The following FAM107A variants were observed in gnomAD, a reference collection of about 807,000 sequenced individuals.
The protein encoded by FAM107A is actin-associated protein FAM107A.
A neutral mutation model predicts 13.7 loss-of-function variants in FAM107A; 19 were observed. The ratio of observed to expected loss-of-function variants is 1.38; its 90% CI spans 0.97 to 2.03. The LOEUF is 2.03. FAM107A is among the 30% of genes most tolerant of loss of function. The pLI is 0.00. For missense variants in FAM107A, 203 were observed against 184.4 expected (o/e 1.10, Z -0.58); for synonymous variants, 82 against 74.5 (o/e 1.10, Z -0.52).
chr3:58,616,899 G>C (rs910137913), intron 1 of FAM107A, among the ~76,000 whole-genome samples: 1 of 151,916 alleles, frequency 6.6e-6, no homozygotes, highest in Admixed American at 6.6e-5. Context: ...TCAGCCTCCC[G>C]AATAGCTGGG....
At chr3:58,587,474 AGTGTGTGTGTGTGTGT>A (rs376881213), upstream of FAM107A, among the ~76,000 whole-genome samples, 4,521 of 145,470 alleles carry the variant, frequency 0.031, 203 homozygotes, top group African/African-American at 0.099. Context: ...ATCAGCTTAG[AGTGTGTGTGTGTGTGT>A]GTGTGTGTGT....
At chr3:58,586,757 C>T in intron 1 of FAM107A, 1 of 1,227,780 alleles carries the variant, frequency 8.1e-7, no homozygotes, top group African/African-American at 1.6e-5. Context: ...AGCAACGAAG[C>T]AGAGGCGCCC....
At chr3:58,570,399 A>C in intron 1 of FAM107A, 1 of 984,848 alleles carries the variant, frequency 1.0e-6, no homozygotes, top group Non-Finnish European at 1.2e-6. Context: ...AGAGGAGAGC[A>C]TGAAATTCAG....
intron 1 of FAM107A, among the ~76,000 whole-genome samples, chr3:58,614,549 G>A (rs552513376): frequency 3.9e-4 from 58 of 148,542 alleles, no homozygotes; most frequent in Admixed American, 1.1e-3. Context: ...TTCTCGCTCA[G>A]GCTAGAGTGT....
At position 58,613,161 on chromosome 3, in the gene FAM107A, A is replaced by T. The variant is rs2065870474; in HGVS notation, c.-70+14255T>A. Among the ~76,000 whole-genome samples, 1 of 152,222 alleles carries T rather than the reference A, an allele frequency of 6.6e-6. No homozygotes were observed. Among genetic ancestry groups the T allele is most frequent in the African/African-American group, 2.4e-5 (1 of 41,454 alleles). ...GCCTGTTTTGTCAGGTAACACCGAC[A>T]AAAATAGCAGCCATTTGTTGAGCTC... On this transcript the variant is annotated intron_variant, in intron 1 of 3. Transcript: ENST00000465970. This position sits in a 1 kb window ranked among gnomAD's most constrained non-coding sequence, Gnocchi z 4.6.
chr3:58,612,120 C>T (rs960458548), intron 1 of FAM107A, among the ~76,000 whole-genome samples: 1 of 151,966 alleles, frequency 6.6e-6, no homozygotes, highest in African/African-American at 2.4e-5. Flanking sequence ...AGAAACCCAC[C>T]CATGATCCTA....
chr3:58,625,083 A>G (rs940022641), intron 1 of FAM107A, among the ~76,000 whole-genome samples: 19 of 152,166 alleles, frequency 1.2e-4, no homozygotes, highest in African/African-American at 4.3e-4. Flanking sequence ...AATGGGGTCA[A>G]AATCCTACCC....
chr3:58,567,152 T>TCCCTGGAGGACAG, intron 3 of FAM107A, 56 bp downstream of exon 3: 1 of 1,604,436 alleles, frequency 6.2e-7, no homozygotes, highest in Non-Finnish European at 8.5e-7. Context: ...GCAGAGCTCC[T>TCCCTGGAGGACAG]CCCTGGAGGA....
chr3:58,616,567 A>ACC (rs1253553275), intron 1 of FAM107A, among the ~76,000 whole-genome samples: 18 of 141,750 alleles, frequency 1.3e-4, no homozygotes, highest in Middle Eastern at 3.6e-3. Flanking sequence ...ACACACACAC[A>ACC]CCACCACTAC....
chr3:58,597,319 A>G (rs2065715776), intron 1 of FAM107A, among the ~76,000 whole-genome samples: 1 of 152,214 alleles, frequency 6.6e-6, no homozygotes, highest in Admixed American at 6.5e-5. Context: ...TCTTTACAAC[A>G]TAGATTTTTG....
chr3:58,575,778 C>T (rs1160541591), intron 1 of FAM107A, among the ~76,000 whole-genome samples: 2 of 152,216 alleles, frequency 1.3e-5, no homozygotes, highest in Admixed American at 6.5e-5. Flanking sequence ...CACTGGGGAG[C>T]CCCAGCCTGG....
intron 1 of FAM107A, among the ~76,000 whole-genome samples, chr3:58,598,519 C>A (rs953478591): frequency 6.6e-6 from 1 of 152,326 alleles, no homozygotes; most frequent in East Asian, 1.9e-4. Context: ...CAGGCAGCAG[C>A]AGCAATCTTT....
chr3:58,605,554 G>T (rs538100239), intron 1 of FAM107A, among the ~76,000 whole-genome samples: 35 of 152,308 alleles, frequency 2.3e-4, no homozygotes, highest in South Asian at 4.1e-4. Flanking sequence ...AGGTGATGAG[G>T]GGCTCACCTT....
intron 1 of FAM107A, among the ~76,000 whole-genome samples, chr3:58,575,281 A>C (rs749839714): frequency 3.3e-5 from 5 of 152,180 alleles, no homozygotes; most frequent in Admixed American, 2.6e-4. Flanking sequence ...TCTATACAGC[A>C]AGGATAACAG....
intron 1 of FAM107A, chr3:58,607,560 T>C (rs2065806775): frequency 1.3e-5 from 2 of 151,912 alleles, no homozygotes; most frequent in South Asian, 4.2e-4. Context: ...CTAGATGGAT[T>C]TGTATATGTG....
upstream of FAM107A, among the ~76,000 whole-genome samples, chr3:58,587,423 C>A (rs190996405): frequency 1.3e-5 from 2 of 151,692 alleles, no homozygotes; most frequent in Admixed American, 6.6e-5. Flanking sequence ...TCTGTAAAAT[C>A]GGAATAACCA....
chr3:58,612,116 C>G (rs563620291), intron 1 of FAM107A, among the ~76,000 whole-genome samples: 1 of 151,928 alleles, frequency 6.6e-6, no homozygotes, highest in Non-Finnish European at 1.5e-5. Context: ...TCATAGAAAC[C>G]CACCCATGAT....
chr3:58,610,259 AC>A (rs1242586305), intron 1 of FAM107A, among the ~76,000 whole-genome samples: 3 of 152,092 alleles, frequency 2.0e-5, no homozygotes, highest in Non-Finnish European at 4.4e-5. Flanking sequence ...AGATGAGGAA[AC>A]TGAGGCTCAG....
chr3:58,613,804 G>A lies in FAM107A; in HGVS notation c.-70+13612C>T, dbSNP rs1199181134. 6.6e-6 allele frequency among the ~76,000 whole-genome samples: 1 copy of A among 152,202 alleles called. No homozygotes were observed. Among genetic ancestry groups the A allele is most frequent in the East Asian group, 1.9e-4 (1 of 5,194 alleles). ...GCCAAGTCCTTGCCCTGGGATGGTG[G>A]AGACTGATGGGCAGGAGGCAGAAGG... is the stretch of plus-strand genomic sequence containing the variant. On this transcript the variant is annotated intron_variant, in intron 1 of 3. Transcript: ENST00000465970. The surrounding 1 kb of genome is among the most constrained non-coding windows in gnomAD (Gnocchi z 4.6).
Sources: allele counts gnomAD v4.1 joint callset (sites outside exome capture counted in the v4.1 genomes callset), GRCh38; gene constraint gnomAD v4.1.1; non-coding constraint Gnocchi (gnomAD v3.1); transcripts MANE v1.5; gene names NCBI Gene and HGNC (gene_info 2026-07-23, HGNC 2026-07-21).